MMP25: variants seen among roughly 807,000 people sequenced by gnomAD.
The protein encoded by MMP25 is matrix metalloproteinase-25.
MMP25 carries 68 observed loss-of-function variants against 62.1 expected under a neutral mutation model. That is an observed-to-expected ratio of 1.10 (90% CI 0.90 to 1.34). The LOEUF (loss-of-function observed/expected upper bound fraction) is 1.34, where lower values mean the gene tolerates loss of function less well. Among genes scored for constraint, MMP25 ranks in the 40% most tolerant of loss-of-function variants. The pLI, the probability that MMP25 is intolerant of heterozygous loss-of-function variation, is 0.00. For missense variants in MMP25, 942 were observed against 792.5 expected (o/e 1.19, Z -2.26); for synonymous variants, 407 against 345.6 (o/e 1.18, Z -1.97).
In MMP25 at chr16:3,058,934, C is replaced by T. The variant is rs1158709874; in HGVS notation, c.1525C>T (p.Pro509Ser). 3.9e-6 allele frequency: 6 copies of T among 1,549,644 alleles called. No individual in the cohort carries two copies. Among genetic ancestry groups the T allele is most frequent in the South Asian group, 1.2e-5 (1 of 83,896 alleles). The change falls in exon 10 of 10, where the codon CCC becomes TCC. Residue 509 changes from proline (P) to serine (S), a missense_variant. By Grantham distance (74) the Pro-to-Ser change is moderately conservative. Coordinates refer to ENST00000336577, the MANE Select transcript of MMP25 (RefSeq NM_022468.5). ...QPMGPNWLDC[P>S]APSSGPRAPR... ...CATGGGGCCCAACTGGCTGGACTGC[C>T]CCGCCCCGAGCTCTGGTCCCCGCGC...
Position 3,058,866 on chromosome 16 carries a change from T to C in MMP25, c.1457T>C (p.Phe486Ser). 1 of 1,546,648 alleles carries C rather than the reference T, an allele frequency of 6.5e-7. No individual in the cohort carries two copies. Residue 486 changes from phenylalanine (F) to serine (S), a missense_variant, in exon 10 of 10, where the codon TTC becomes TCC. Physicochemically the swap from Phe to Ser is radical, Grantham distance 155. Coordinates refer to ENST00000336577, the MANE Select transcript of MMP25 (RefSeq NM_022468.5). Reference sequence around the variant, plus strand: ...TTCAAGGGCGCCCACTACTGGCGCTTCCCCAAGAACAGCATCAAGACCGAG... The same window carrying C: ...TTCAAGGGCGCCCACTACTGGCGCTCCCCCAAGAACAGCATCAAGACCGAG... ...YFFKGAHYWR[F>S]PKNSIKTEPD...
Position 3,057,232 on chromosome 16 carries a change from C to T in MMP25, c.838+23C>T, listed in dbSNP as rs528858217. Reference sequence around the variant, plus strand: ...ATGGTAGGGGGAGAGGGACCTGCCGCGAAACCATCATTGCCCCATCCAGTG... The same window carrying T: ...ATGGTAGGGGGAGAGGGACCTGCCGTGAAACCATCATTGCCCCATCCAGTG... On this transcript the variant is annotated intron_variant, in intron 5 of 9. Transcript: ENST00000336577. The T allele has an allele frequency of 1.4e-4, 233 of 1,613,586 alleles. 2 individuals carry two copies. The South Asian group carries it at 1.6e-3, about 11-fold the overall frequency.
chr16:3,056,019 C>T (rs1956001851), intron 4 of MMP25: 2 of 445,396 alleles, frequency 4.5e-6, no homozygotes, highest in Admixed American at 2.4e-5. Context: ...AGAGTGCCTG[C>T]TAGAGGAGCT....
intron 2 of MMP25, among the ~76,000 whole-genome samples, chr16:3,048,881 T>C (rs562440558): frequency 2.2e-4 from 34 of 151,426 alleles, no homozygotes; most frequent in Non-Finnish European, 3.8e-4. Context: ...TCTCGGCTCA[T>C]TGCAATCTCT....
chr16:3,047,021 G>A lies in MMP25; in HGVS notation c.99+5G>A, dbSNP rs1192267266. ...CAGGACGTGAGCCTGGGCGTGGTGA[G>A]CGCGGGGTCCGCAGGCTCCTGGGGT... On this transcript the variant is annotated splice_donor_5th_base_variant and intron_variant, in intron 1 of 9. Transcript: ENST00000336577. The A allele has an allele frequency of 4.2e-6, 6 of 1,437,292 alleles. No homozygotes were observed. The highest frequency in any genetic ancestry group is 5.4e-6 in the Non-Finnish European group (6 of 1,103,118). 89.0% of individuals were successfully genotyped at this position (1,437,292 alleles called of 1,614,324 possible).
intron 4 of MMP25, chr16:3,056,088 G>A (rs559647242): frequency 1.2e-5 from 4 of 344,438 alleles, no homozygotes; most frequent in African/African-American, 2.2e-5. Flanking sequence ...GGTAGGGAGA[G>A]GAGGGGCAGA....
In MMP25 at chr16:3,047,451, C is replaced by G; in HGVS notation, c.136C>G (p.His46Asp). The G allele has an allele frequency of 1.9e-6, 3 of 1,613,878 alleles. No individual in the cohort carries two copies. The highest frequency in any genetic ancestry group is 1.7e-6 in the Non-Finnish European group (2 of 1,179,950). ...TCGCTATGGTTACCTGCCGCCACCC[C>G]ACCCTGCCCAGGCCCAGCTGCAGAG... ...LTRYGYLPPPHPAQAQLQSPE... is the reference protein window; with the variant it reads ...LTRYGYLPPPDPAQAQLQSPE... The change falls in exon 2 of 10, where the codon CAC (histidine) becomes GAC (aspartate). Residue 46 changes from histidine (H) to aspartate (D), a missense_variant. Physicochemically the swap from His to Asp is moderately conservative, Grantham distance 81. Transcript: ENST00000336577.
At chr16:3,058,130 G>A (rs1461818493) in intron 7 of MMP25, 51 bp from the exon 8 acceptor site, 6 of 1,595,394 alleles carry the variant, frequency 3.8e-6, no homozygotes, top group African/African-American at 2.8e-5. Context: ...CCTGGGGGAG[G>A]AGACCTCCTG....
Position 3,046,825 on chromosome 16 carries a change from C to G in MMP25, c.-93C>G, listed in dbSNP as rs1164153073. 1.5e-6 allele frequency: 1 copy of G among 656,816 alleles called. No homozygotes were observed. The highest frequency in any genetic ancestry group is 2.3e-6 in the Non-Finnish European group (1 of 433,468). 40.7% of individuals were successfully genotyped at this position (656,816 alleles called of 1,614,324 possible). ...TACTCGGTGCCGGGTGCCCCCCGCC[C>G]TCTCCAGGCCCGGATCTCCTCCCCC... On this transcript the variant is annotated 5_prime_UTR_variant, in exon 1 of 10. Coordinates refer to ENST00000336577, the MANE Select transcript of MMP25 (RefSeq NM_022468.5).
chr16:3,047,363 G>C (rs966256892), intron 1 of MMP25, 52 bp from the exon 2 acceptor site: 1 of 1,574,322 alleles, frequency 6.4e-7, no homozygotes, highest in South Asian at 1.2e-5. Flanking sequence ...TGGGCAGAGA[G>C]AGCCCATACT....
chr16:3,058,879 C>T lies in MMP25; in HGVS notation c.1470C>T (p.Ser490=), dbSNP rs372012951. The change falls in exon 10 of 10, where the codon AGC becomes AGT. Residue 490 remains serine (S), a synonymous_variant. Coordinates refer to ENST00000336577, the MANE Select transcript of MMP25 (RefSeq NM_022468.5). ...ACTACTGGCGCTTCCCCAAGAACAG[C>T]ATCAAGACCGAGCCGGACGCCCCCC... The part of the protein sequence containing the change: ...GAHYWRFPKN[S]IKTEPDAPQP... 62 of 1,557,752 alleles carry T rather than the reference C, an allele frequency of 4.0e-5. No individual in the cohort carries two copies. The African/African-American group carries it at 7.3e-4, about 18-fold the overall frequency.
intron 4 of MMP25, chr16:3,052,543 G>A (rs1955920406): frequency 6.6e-6 from 1 of 152,206 alleles, no homozygotes; most frequent in African/African-American, 2.4e-5. Context: ...GTGTGGTCCT[G>A]GGGAAGGGGG....
intron 4 of MMP25, 68 bp downstream of exon 4, chr16:3,050,614 GTGTTT>G: frequency 6.9e-7 from 1 of 1,444,926 alleles, no homozygotes; most frequent in Non-Finnish European, 9.2e-7. Flanking sequence ...TTTCTGTTGT[GTGTTT>G]TGTTTTGTTT....
chr16:3,057,635 C>T (rs1416426973), intron 7 of MMP25, 22 bp downstream of exon 7: 4 of 1,610,948 alleles, frequency 2.5e-6, no homozygotes, highest in Non-Finnish European at 3.4e-6. Context: ...CACTTGGCCT[C>T]ATATATGTTG....
At position 3,058,913 on chromosome 16, in the gene MMP25, G is replaced by T; in HGVS notation, c.1504G>T (p.Gly502Trp). The change falls in exon 10 of 10, where the codon GGG becomes TGG. Residue 502 changes from glycine (G) to tryptophan (W), a missense_variant. Coordinates refer to ENST00000336577, the MANE Select transcript of MMP25 (RefSeq NM_022468.5). ...CGAGCCGGACGCCCCCCAGCCCATG[G>T]GGCCCAACTGGCTGGACTGCCCCGC... ...KTEPDAPQPM[G>W]PNWLDCPAPS... 1 of 1,553,124 alleles carries T rather than the reference G, an allele frequency of 6.4e-7. No individual in the cohort carries two copies. Among genetic ancestry groups the T allele is most frequent in the East Asian group, 2.4e-5 (1 of 41,598 alleles).
intron 7 of MMP25, chr16:3,057,815 C>T: frequency 3.3e-6 from 2 of 609,998 alleles, no homozygotes; most frequent in Non-Finnish European, 5.8e-6. Flanking sequence ...CCTCCCACCT[C>T]AGCCTCCCTG....
chr16:3,047,576 T>C, intron 2 of MMP25, 29 bp downstream of exon 2: 1 of 1,566,980 alleles, frequency 6.4e-7, no homozygotes, highest in Non-Finnish European at 8.7e-7. Context: ...TCCCCAGCCC[T>C]GCCTCTGCAC....
Position 3,060,126 on chromosome 16 carries a change from G to T in MMP25, c.*1028G>T, listed in dbSNP as rs200174571. ...TAGAGTGAGGGGTGGGTGGAACCTG[G>T]GGGCACCTCGTTCACCCTGTCCCCA... On this transcript the variant is annotated 3_prime_UTR_variant, in exon 10 of 10. Coordinates refer to ENST00000336577, the MANE Select transcript of MMP25 (RefSeq NM_022468.5). 5 of 152,266 alleles carry T rather than the reference G, an allele frequency of 3.3e-5. No individual in the cohort carries two copies. In the East Asian group the frequency reaches 9.6e-4, roughly 29 times the overall value. 9.4% of individuals were successfully genotyped at this position (152,266 alleles called of 1,614,324 possible). A position where few individuals can be genotyped will look rare whatever the true frequency, so the allele number is the denominator to read the frequency against.
intron 7 of MMP25, chr16:3,057,971 G>A (rs1350664664): frequency 1.7e-6 from 1 of 604,074 alleles, no homozygotes; most frequent in Non-Finnish European, 2.8e-6. Flanking sequence ...CCAATGTGCT[G>A]GCATTACAGG....
Sources: gnomAD v4.1 joint callset for allele counts (sites outside exome capture counted in the v4.1 genomes callset) on GRCh38, gnomAD v4.1.1 for gene constraint, MANE v1.5 for transcripts, NCBI Gene and HGNC (gene_info 2026-07-23, HGNC 2026-07-21) for gene names.